MINDY2: variants seen among roughly 807,000 people sequenced by gnomAD.
The protein encoded by MINDY2 is MINDY lysine 48 deubiquitinase 2, also known as ubiquitin carboxyl-terminal hydrolase MINDY-2.
Under a neutral mutation model 68.2 loss-of-function variants are expected in MINDY2, and 52 were observed. The ratio of observed to expected loss-of-function variants is 0.76; its 90% CI spans 0.61 to 0.96. The LOEUF (loss-of-function observed/expected upper bound fraction) is 0.96, where lower values mean the gene tolerates loss of function less well. MINDY2 is among the 40% of genes least tolerant of loss of function. The pLI, the probability that MINDY2 is intolerant of heterozygous loss-of-function variation, is 0.00. For synonymous variants in MINDY2, 372 were observed against 303.0 expected, an observed-to-expected ratio of 1.23 and a Z score of -2.36; for missense variants, 881 against 773.4, an observed-to-expected ratio of 1.14 and a Z score of -1.65.
intron 6 of MINDY2, among the ~76,000 whole-genome samples, chr15:58,834,442 A>G (rs1249831896): frequency 6.6e-6 from 1 of 152,208 alleles, no homozygotes; most frequent in Non-Finnish European, 1.5e-5. Flanking sequence ...TTCTCAACCC[A>G]AATTGTATGC....
rs988546569 is a variant in MINDY2 at position 58,856,561 on chromosome 15, A to G, written c.*1951A>G. ...TGTTTGGGATATAAAACTCTGATAG[A>G]AAATATTTAATGAGTATCTTGATTA... On this transcript the variant is annotated 3_prime_UTR_variant, in exon 9 of 9. Transcript: ENST00000559228. 1 of 152,272 alleles carries G rather than the reference A, an allele frequency of 6.6e-6. No individual in the cohort carries two copies. The highest frequency in any genetic ancestry group is 1.5e-5 in the Non-Finnish European group (1 of 68,040). The allele number at this position is 152,272 out of a possible 1,614,324, so 9.4% of individuals were successfully genotyped here.
chr15:58,789,547 C>T lies in MINDY2; in HGVS notation c.898+1584C>T, dbSNP rs570969157. ...TCATGACTTGCTGCAATCTCGACCT[C>T]CCTAGGCTCAGGTGATCCTCCCACC... On this transcript the variant is annotated intron_variant, in intron 2 of 8. Coordinates refer to ENST00000559228, the MANE Select transcript of MINDY2 (RefSeq NM_001040450.3). 2.6e-5 allele frequency among the ~76,000 whole-genome samples: 4 copies of T among 152,048 alleles called. No individual in the cohort carries two copies. The South Asian group carries it at 8.3e-4, about 32-fold the overall frequency.
At chr15:58,803,602 A>G (rs1902818317) in intron 3 of MINDY2, among the ~76,000 whole-genome samples, 1 of 152,018 alleles carries the variant, frequency 6.6e-6, no homozygotes, top group African/African-American at 2.4e-5. Context: ...GGGTCACTTG[A>G]GGCCAGGAGT....
intron 3 of MINDY2, among the ~76,000 whole-genome samples, chr15:58,805,081 T>A (rs9788674): frequency 0.21 from 31,869 of 152,148 alleles, 3,907 homozygotes; most frequent in East Asian, 0.52. Context: ...TTGAAGGGAA[T>A]TTGGAATATT....
chr15:58,808,724 C>G (rs1368101100), intron 3 of MINDY2, among the ~76,000 whole-genome samples: 1 of 152,186 alleles, frequency 6.6e-6, no homozygotes, highest in African/African-American at 2.4e-5. Flanking sequence ...CCTGCCTCAG[C>G]CTCCCGAGTA....
At chr15:58,839,765 C>A (rs1158717312) in intron 6 of MINDY2, among the ~76,000 whole-genome samples, 2 of 151,772 alleles carry the variant, frequency 1.3e-5, no homozygotes, top group African/African-American at 4.8e-5. Flanking sequence ...AAAGTATTCT[C>A]TGTTTATTAA....
At chr15:58,793,645 T>A (rs532344443) in intron 2 of MINDY2, among the ~76,000 whole-genome samples, 1 of 152,138 alleles carries the variant, frequency 6.6e-6, no homozygotes, top group Non-Finnish European at 1.5e-5. Context: ...AAAAATACTT[T>A]ATACAAATAG....
At position 58,855,928 on chromosome 15, in the gene MINDY2, A is replaced by AC. The variant is rs1365528047; in HGVS notation, c.*1318_*1319insC. The AC allele has an allele frequency of 2.0e-5, 3 of 152,662 alleles. No individual in the cohort carries two copies. The highest frequency in any genetic ancestry group is 4.4e-5 in the Non-Finnish European group (3 of 68,060). The allele number at this position is 152,662 out of a possible 1,614,324, so 9.5% of individuals were successfully genotyped here. On this transcript the variant is annotated 3_prime_UTR_variant, in exon 9 of 9. Coordinates refer to ENST00000559228, the MANE Select transcript of MINDY2 (RefSeq NM_001040450.3). The stretch of plus-strand genomic sequence containing the variant: ...GAGGGAGACTCCGTCTCAAAAAAAA[A>AC]AAAGTCTGAGAGTAGCTAAGAATTT...
chr15:58,793,183 G>A (rs1902053370), intron 2 of MINDY2, among the ~76,000 whole-genome samples: 1 of 152,218 alleles, frequency 6.6e-6, no homozygotes. Flanking sequence ...CTGGCACAGT[G>A]GCTCACGCCG....
chr15:58,782,782 T>G (rs1335388582), intron 1 of MINDY2, among the ~76,000 whole-genome samples: 1 of 152,162 alleles, frequency 6.6e-6, no homozygotes, highest in Non-Finnish European at 1.5e-5. Flanking sequence ...CTAAATTAAC[T>G]TTTTAAAGCC....
At chr15:58,800,390 A>C (rs1234094548) in intron 2 of MINDY2, among the ~76,000 whole-genome samples, 1 of 152,074 alleles carries the variant, frequency 6.6e-6, no homozygotes, top group Non-Finnish European at 1.5e-5. Context: ...TCACTCCTCT[A>C]CTTAAAAGTA....
chr15:58,789,324 C>T (rs191849262), intron 2 of MINDY2, among the ~76,000 whole-genome samples: 91 of 152,010 alleles, frequency 6.0e-4, no homozygotes, highest in Non-Finnish European at 8.7e-4. Flanking sequence ...GGCAACAGAG[C>T]GAGACTCCGT....
At chr15:58,836,362 A>G (rs1262091904) in intron 6 of MINDY2, among the ~76,000 whole-genome samples, 1 of 151,972 alleles carries the variant, frequency 6.6e-6, no homozygotes, top group Non-Finnish European at 1.5e-5. Context: ...TGTCCCCAGA[A>G]TAGTTCTATG....
rs778614769 is a variant in MINDY2 at position 58,854,545 on chromosome 15, C to T, written c.1801C>T (p.Arg601Trp). Reference protein sequence around the residue: ...GRQSGNSERKRKEPREKDKEK... With the variant: ...GRQSGNSERKWKEPREKDKEK... ...ACAATCTGGGAATAGTGAACGTAAA[C>T]GGAAGGAACCACGAGAAAAAGATAA... The change falls in exon 9 of 9, where the codon CGG (arginine) becomes TGG (tryptophan). Residue 601 changes from arginine (R) to tryptophan (W), a missense_variant. Transcript: ENST00000559228. 18 of 1,612,844 alleles carry T rather than the reference C, an allele frequency of 1.1e-5. No homozygotes were observed. The highest frequency in any genetic ancestry group is 2.2e-5 in the East Asian group (1 of 44,870).
In MINDY2 at chr15:58,854,959, A is replaced by G. The variant is rs2033010646; in HGVS notation, c.*349A>G. The G allele has an allele frequency of 6.3e-6, 1 of 157,990 alleles. No individual in the cohort carries two copies. Among genetic ancestry groups the G allele is most frequent in the Non-Finnish European group, 1.4e-5 (1 of 71,274 alleles). The allele number at this position is 157,990 out of a possible 1,614,324, so 9.8% of individuals were successfully genotyped here. A position where few individuals can be genotyped will look rare whatever the true frequency, so the allele number is the denominator to read the frequency against. On this transcript the variant is annotated 3_prime_UTR_variant, in exon 9 of 9. Coordinates refer to ENST00000559228, the MANE Select transcript of MINDY2 (RefSeq NM_001040450.3). Reference sequence around the variant, plus strand: ...ATTATATCTTCTGTTCTAACAATGAATGGAGGTAATTGATTTAGTCTGATT... The same window carrying G: ...ATTATATCTTCTGTTCTAACAATGAGTGGAGGTAATTGATTTAGTCTGATT...
intron 1 of MINDY2, among the ~76,000 whole-genome samples, chr15:58,773,129 T>C (rs1010468821): frequency 9.0e-6 from 1 of 111,154 alleles, no homozygotes; most frequent in Non-Finnish European, 1.7e-5. Context: ...ATGCAATGTT[T>C]CCTAGGAAAA....
At position 58,854,781 on chromosome 15, in the gene MINDY2, C is replaced by A; in HGVS notation, c.*171C>A. On this transcript the variant is annotated 3_prime_UTR_variant, in exon 9 of 9. Coordinates refer to ENST00000559228, the MANE Select transcript of MINDY2 (RefSeq NM_001040450.3). The stretch of plus-strand genomic sequence containing the variant: ...TACAATCAGACTTTTTCAAGTCACA[C>A]AATACACTCTTTATGAGCTGGAGTT... The A allele has an allele frequency of 1.7e-6, 1 of 593,272 alleles. No homozygotes were observed. The allele number at this position is 593,272 out of a possible 1,614,324, so 36.8% of individuals were successfully genotyped here. A position where few individuals can be genotyped will look rare whatever the true frequency, so the allele number is the denominator to read the frequency against.
chr15:58,818,860 G>A (rs994904326), intron 4 of MINDY2, among the ~76,000 whole-genome samples: 1 of 151,726 alleles, frequency 6.6e-6, no homozygotes, highest in South Asian at 2.1e-4. Context: ...AGGCTGGTCT[G>A]GAACTGCTGA....
At chr15:58,808,629 G>C (rs1265905279) in intron 3 of MINDY2, among the ~76,000 whole-genome samples, 5 of 151,980 alleles carry the variant, frequency 3.3e-5, no homozygotes, top group Non-Finnish European at 5.9e-5. Context: ...TTTTGAGACA[G>C]AGTCTCGCCC....
Sources: allele counts gnomAD v4.1 joint callset (sites outside exome capture counted in the v4.1 genomes callset), GRCh38; gene constraint gnomAD v4.1.1; transcripts MANE v1.5; gene names NCBI Gene and HGNC (gene_info 2026-07-23, HGNC 2026-07-21).